ASAP3: variants seen among roughly 807,000 people sequenced by gnomAD.
The protein encoded by ASAP3 is ArfGAP with SH3 domain, ankyrin repeat and PH domain 3.
Under a neutral mutation model 118.2 loss-of-function variants are expected in ASAP3, and 85 were observed. The ratio of observed to expected loss-of-function variants is 0.72; its 90% CI spans 0.60 to 0.86. ASAP3 has a LOEUF of 0.86. Among genes scored for constraint, ASAP3 ranks in the 40% least tolerant of loss-of-function variants. The probability of loss-of-function intolerance (pLI) is 0.00; values close to 1 mark genes in which losing one functional copy is unlikely to be tolerated. For synonymous variants in ASAP3, 432 were observed against 477.4 expected (o/e 0.90, Z 1.24); for missense variants, 1,026 against 1,175.0 (o/e 0.87, Z 1.85).
At chr1:23,481,278 T>A (rs1281154050) in intron 1 of ASAP3, among the ~76,000 whole-genome samples, 2 of 152,080 alleles carry the variant, frequency 1.3e-5, no homozygotes, top group African/African-American at 2.4e-5. Flanking sequence ...CAGGACAGGG[T>A]CCCTAGTTAC....
intron 5 of ASAP3, among the ~76,000 whole-genome samples, chr1:23,450,386 T>C (rs1277126919): frequency 6.6e-6 from 1 of 152,242 alleles, no homozygotes; most frequent in Non-Finnish European, 1.5e-5. Context: ...TGTACAAAGA[T>C]GGCCACAATG....
intron 1 of ASAP3, among the ~76,000 whole-genome samples, chr1:23,475,688 G>A (rs1642105808): frequency 6.6e-6 from 1 of 152,200 alleles, no homozygotes; most frequent in South Asian, 2.1e-4. Flanking sequence ...TAGAATTCTT[G>A]GCCAGGCACA....
chr1:23,435,878 T>C lies in ASAP3; in HGVS notation c.1722A>G (p.Gly574=). 5.6e-6 allele frequency: 9 copies of C among 1,614,226 alleles called. No homozygotes were observed. Among genetic ancestry groups the C allele is most frequent in the Non-Finnish European group, 7.6e-6 (9 of 1,180,042 alleles). Residue 574 remains glycine, a synonymous_variant, in exon 17 of 25, where the codon GGA becomes GGG. Coordinates refer to ENST00000336689, the MANE Select transcript of ASAP3 (RefSeq NM_017707.4). Reference sequence around the variant, plus strand: ...GTGCATCAGGCCCTGGCAGCGGCTGTCCAAAGTCCTGCCCATTGGCAAAGG... The same window carrying C: ...GTGCATCAGGCCCTGGCAGCGGCTGCCCAAAGTCCTGCCCATTGGCAAAGG... ...LEAFANGQDF[G]QPLPGPDAQA... is the part of the protein sequence containing the mutation.
chr1:23,465,891 A>C (rs981181634), intron 1 of ASAP3, among the ~76,000 whole-genome samples: 6 of 152,162 alleles, frequency 3.9e-5, no homozygotes, highest in African/African-American at 1.2e-4. Context: ...TAGGGGGCAC[A>C]GCTTATTTGA....
Position 23,430,046 on chromosome 1 carries a change from C to A in ASAP3, c.2638-116G>T, listed in dbSNP as rs1161514851. 8 of 912,680 alleles carry A rather than the reference C, an allele frequency of 8.8e-6. No homozygotes were observed. In the Admixed American group the frequency reaches 2.2e-4, roughly 25 times the overall value. 56.5% of individuals were successfully genotyped at this position (912,680 alleles called of 1,614,324 possible). A position where few individuals can be genotyped will look rare whatever the true frequency, so the allele number is the denominator to read the frequency against. On this transcript the variant is annotated intron_variant, in intron 24 of 24. Transcript: ENST00000336689. ...GATAAATTAAATTATTCTCATTTTA[C>A]AGACAAAGAAACTGAGGCTTGAGGA...
At chr1:23,446,498 C>T (rs968835482) in intron 5 of ASAP3, among the ~76,000 whole-genome samples, 16 of 149,404 alleles carry the variant, frequency 1.1e-4, no homozygotes, top group Non-Finnish European at 2.4e-4. Context: ...AGTGCCATGG[C>T]GCCATCTCAG....
upstream of ASAP3, chr1:23,484,246 G>T: frequency 1.0e-6 from 1 of 1,004,614 alleles, no homozygotes; most frequent in Non-Finnish European, 1.2e-6. Flanking sequence ...CACACGCCCC[G>T]CCCCTCCGCA....
At position 23,438,818 on chromosome 1, in the gene ASAP3, A is replaced by T. The variant is rs1266348945; in HGVS notation, c.1031T>A (p.Val344Glu). 6.2e-7 allele frequency: 1 copy of T among 1,614,178 alleles called. No homozygotes were observed. The highest frequency in any genetic ancestry group is 8.5e-7 in the Non-Finnish European group (1 of 1,180,022). The change falls in exon 12 of 25, where the codon GTG becomes GAG. Residue 344 changes from valine to glutamate, a missense_variant. Physicochemically the swap from Val to Glu is moderately radical, Grantham distance 121. Transcript: ENST00000336689. The surrounding 1 kb of genome is among the most constrained non-coding windows in gnomAD (Gnocchi z 4.9). ...TTGGCACGTCAGCAGGGTCAGCTTCACCGGGGGCCGGTTTATCTGTGGGAA... is the reference window on the plus strand; with the variant it reads ...TTGGCACGTCAGCAGGGTCAGCTTCTCCGGGGGCCGGTTTATCTGTGGGAA... The part of the protein sequence containing the change: ...ISHSTINRPP[V>E]KLTLLTCQVR...
In ASAP3 at chr1:23,441,362, C is replaced by T. The variant is rs1226151144; in HGVS notation, c.834+25G>A. The T allele has an allele frequency of 2.5e-6, 4 of 1,613,398 alleles. No homozygotes were observed. In the Admixed American group the frequency reaches 5.0e-5, roughly 20 times the overall value. ...CGGTGGGCCTTGGGGGAGGGCATTC[C>T]TTTTGGGATAGTTCAGGGGCTGACC... On this transcript the variant is annotated intron_variant, in intron 9 of 24. Coordinates refer to ENST00000336689, the MANE Select transcript of ASAP3 (RefSeq NM_017707.4).
chr1:23,430,426 G>T (rs143157470), intron 24 of ASAP3, among the ~76,000 whole-genome samples: 386 of 152,334 alleles, frequency 2.5e-3, no homozygotes, highest in Non-Finnish European at 4.3e-3. Flanking sequence ...CATTGTTGGA[G>T]ACTTGGTGAT....
chr1:23,483,045 A>G (rs934187417), intron 1 of ASAP3, among the ~76,000 whole-genome samples: 1 of 151,656 alleles, frequency 6.6e-6, no homozygotes, highest in Non-Finnish European at 1.5e-5. Context: ...ATACAAACAG[A>G]CTCCGAGATG....
At chr1:23,431,236 A>G (rs1475526198) in intron 23 of ASAP3, 111 bp from the exon 24 acceptor site, 8 of 1,123,614 alleles carry the variant, frequency 7.1e-6, no homozygotes, top group Non-Finnish European at 1.0e-5. Flanking sequence ...GGGTGGGTAG[A>G]GTCCACAAGG....
intron 5 of ASAP3, among the ~76,000 whole-genome samples, chr1:23,443,594 G>A (rs1043216676): frequency 3.3e-5 from 5 of 151,488 alleles, no homozygotes; most frequent in African/African-American, 9.7e-5. Context: ...GCAGTGGTGC[G>A]ATCTCAGCTC....
intron 1 of ASAP3, among the ~76,000 whole-genome samples, chr1:23,459,897 A>T (rs1641514654): frequency 6.6e-6 from 1 of 152,212 alleles, no homozygotes; most frequent in Admixed American, 6.5e-5. Context: ...CCTTCACAAG[A>T]AACCTGACTT....
chr1:23,446,106 C>A (rs559991973), intron 5 of ASAP3, among the ~76,000 whole-genome samples: 1 of 152,054 alleles, frequency 6.6e-6, no homozygotes, highest in Non-Finnish European at 1.5e-5. Context: ...TTGGTATCTG[C>A]GGGGGTCCTG....
chr1:23,445,619 A>C (rs78882457), intron 5 of ASAP3, among the ~76,000 whole-genome samples: 5,233 of 152,322 alleles, frequency 0.034, 133 homozygotes, highest in Middle Eastern at 0.12. Context: ...AATGTCCATC[A>C]GTAGGAAGTA....
chr1:23,460,655 A>C (rs1357615885), intron 1 of ASAP3, among the ~76,000 whole-genome samples: 1 of 152,220 alleles, frequency 6.6e-6, no homozygotes, highest in Non-Finnish European at 1.5e-5. Flanking sequence ...CCACTTCGGA[A>C]GACAGTTTGA....
At chr1:23,480,582 T>G (rs1642274986) in intron 1 of ASAP3, among the ~76,000 whole-genome samples, 1 of 152,236 alleles carries the variant, frequency 6.6e-6, no homozygotes, top group East Asian at 1.9e-4. Context: ...GACAAACTCC[T>G]GGGGTTCTTA....
intron 1 of ASAP3, among the ~76,000 whole-genome samples, chr1:23,465,911 T>A (rs1641752920): frequency 6.6e-6 from 1 of 152,164 alleles, no homozygotes; most frequent in African/African-American, 2.4e-5. Context: ...ATCTTGGGAC[T>A]GGATCTGCCT....
Sources: allele counts gnomAD v4.1 joint callset (sites outside exome capture counted in the v4.1 genomes callset), GRCh38; gene constraint gnomAD v4.1.1; non-coding constraint Gnocchi (gnomAD v3.1); transcripts MANE v1.5; gene names NCBI Gene and HGNC (gene_info 2026-07-23, HGNC 2026-07-21).